The following NALF1 variants were observed in gnomAD, a reference collection of about 807,000 sequenced individuals.
The protein encoded by NALF1 is family with sequence similarity 155 member A.
NALF1 carries 3 observed loss-of-function variants against 48.4 expected under a neutral mutation model. The ratio of observed to expected loss-of-function variants is 0.06; its 90% CI spans 0.03 to 0.16. The LOEUF is 0.16. NALF1 is among the 10% of genes least tolerant of loss of function. The pLI is 1.00. For missense variants in NALF1, 526 were observed against 571.5 expected (o/e 0.92, Z 0.81); for synonymous variants, 262 against 245.7 (o/e 1.07, Z -0.62).
intron 1 of NALF1, among the ~76,000 whole-genome samples, chr13:107,413,805 G>C (rs547091816): frequency 1.1e-4 from 17 of 151,994 alleles, no homozygotes; most frequent in South Asian, 4.1e-4. Flanking sequence ...TTTATTTTTT[G>C]TGATGGAGTC....
At chr13:107,715,384 T>C (rs887691659) in intron 1 of NALF1, among the ~76,000 whole-genome samples, 10 of 152,114 alleles carry the variant, frequency 6.6e-5, no homozygotes, top group African/African-American at 2.4e-4. Flanking sequence ...GTATTTTTAG[T>C]AGAGACGGGG....
intron 1 of NALF1, among the ~76,000 whole-genome samples, chr13:107,477,021 T>G (rs528602105): frequency 6.6e-6 from 1 of 152,262 alleles, no homozygotes; most frequent in South Asian, 2.1e-4. Flanking sequence ...GCATTTGCAG[T>G]CAGGGAAACT....
intron 1 of NALF1, among the ~76,000 whole-genome samples, chr13:107,542,077 C>T (rs1174081036): frequency 6.6e-6 from 1 of 151,758 alleles, no homozygotes; most frequent in African/African-American, 2.4e-5. Flanking sequence ...TGAAAACCAC[C>T]CAAATGCCTA....
At chr13:107,378,958 A>G (rs1004172452) in intron 1 of NALF1, among the ~76,000 whole-genome samples, 1 of 152,246 alleles carries the variant, frequency 6.6e-6, no homozygotes, top group African/African-American at 2.4e-5. Flanking sequence ...TCAATAAAAC[A>G]TATAATTAAG....
intron 1 of NALF1, among the ~76,000 whole-genome samples, chr13:107,318,245 G>A (rs900992794): frequency 6.6e-6 from 1 of 151,936 alleles, no homozygotes; most frequent in Non-Finnish European, 1.5e-5. Context: ...ATATAACAAA[G>A]CTTTTTGAAA....
chr13:107,479,060 A>G (rs917596568), intron 1 of NALF1, among the ~76,000 whole-genome samples: 4 of 152,280 alleles, frequency 2.6e-5, no homozygotes, highest in African/African-American at 9.6e-5. Context: ...AAATGAATGC[A>G]GAGTGCCAAA....
At chr13:107,366,898 C>T (rs899914418) in intron 1 of NALF1, among the ~76,000 whole-genome samples, 2 of 152,136 alleles carry the variant, frequency 1.3e-5, no homozygotes, top group Admixed American at 6.5e-5. Flanking sequence ...TTTTAAGATC[C>T]GAACTGGGTA....
chr13:107,398,990 T>G (rs191905519), intron 1 of NALF1, among the ~76,000 whole-genome samples: 5 of 152,266 alleles, frequency 3.3e-5, no homozygotes, highest in Non-Finnish European at 7.4e-5. Context: ...AAATGTTCAT[T>G]CTCCGGCCTG....
intron 1 of NALF1, among the ~76,000 whole-genome samples, chr13:107,427,571 A>C (rs1884301831): frequency 6.6e-6 from 1 of 152,162 alleles, no homozygotes; most frequent in Admixed American, 6.5e-5. Flanking sequence ...CATGGGAAGA[A>C]AAAAAGAAAT....
intron 1 of NALF1, among the ~76,000 whole-genome samples, chr13:107,339,946 A>T (rs1410928696): frequency 2.0e-5 from 3 of 152,200 alleles, no homozygotes; most frequent in East Asian, 3.9e-4. Context: ...AATTTTATTT[A>T]AAAAATTTCC....
At chr13:107,224,895 A>T (rs1441171320) in intron 1 of NALF1, among the ~76,000 whole-genome samples, 2 of 152,244 alleles carry the variant, frequency 1.3e-5, no homozygotes, top group Non-Finnish European at 2.9e-5. Context: ...TTCCTCACTG[A>T]AAAACAACAA....
intron 1 of NALF1, among the ~76,000 whole-genome samples, chr13:107,786,416 CAAAAA>C (rs34857705): frequency 3.4e-5 from 1 of 29,714 alleles, no homozygotes; most frequent in Non-Finnish European, 5.9e-5. Context: ...AACTCTTTCT[CAAAAA>C]AAAAAAAAAA....
At chr13:107,613,473 A>G (rs1879295295) in intron 1 of NALF1, among the ~76,000 whole-genome samples, 1 of 152,186 alleles carries the variant, frequency 6.6e-6, no homozygotes, top group Non-Finnish European at 1.5e-5. Flanking sequence ...TCCAAAGTCA[A>G]TGGAATATAA....
At chr13:107,811,737 CCAGACATCTGGGGAGGGCCT>C in intron 1 of NALF1, among the ~76,000 whole-genome samples, 1 of 152,008 alleles carries the variant, frequency 6.6e-6, no homozygotes, top group South Asian at 2.1e-4. Flanking sequence ...AGAATATGGC[CCAGACATCTGGGGAGGGCCT>C]CATCTCATGG....
chr13:107,800,335 G>T (rs7338126), intron 1 of NALF1, among the ~76,000 whole-genome samples: 3 of 151,750 alleles, frequency 2.0e-5, no homozygotes, highest in Non-Finnish European at 4.4e-5. Context: ...TGATTTTATC[G>T]TATTTTTATT....
intron 1 of NALF1, among the ~76,000 whole-genome samples, chr13:107,797,538 T>C (rs1878466892): frequency 6.6e-6 from 1 of 152,146 alleles, no homozygotes; most frequent in Non-Finnish European, 1.5e-5. Flanking sequence ...CCAGTCTGTA[T>C]AAACATTTGC....
rs1037380153 is a variant in NALF1, at chr13:107,198,871, A to G, written c.1087+11713T>C. Among the ~76,000 whole-genome samples the G allele has an allele frequency of 7.9e-5, 12 of 152,288 alleles. No homozygotes were observed. In the East Asian group the frequency reaches 1.7e-3, roughly 22 times the overall value. On this transcript the variant is annotated intron_variant, in intron 2 of 2. Coordinates refer to ENST00000375915, the MANE Select transcript of NALF1 (RefSeq NM_001080396.3). ...CACATTGTTTTATCTCTATGTGTCTATATCCAAATTTCCCCTTTTTATACG... is the reference window on the plus strand; with the variant it reads ...CACATTGTTTTATCTCTATGTGTCTGTATCCAAATTTCCCCTTTTTATACG...
chr13:107,830,063 G>A (rs1298355417), intron 1 of NALF1, among the ~76,000 whole-genome samples: 2 of 152,028 alleles, frequency 1.3e-5, no homozygotes, highest in South Asian at 2.1e-4. Context: ...TATTACACCC[G>A]GAACCCTCAC....
intron 1 of NALF1, among the ~76,000 whole-genome samples, chr13:107,560,973 T>C (rs1594130065): frequency 1.3e-5 from 2 of 152,224 alleles, no homozygotes; most frequent in African/African-American, 4.8e-5. Flanking sequence ...AAAAACAATT[T>C]TTAAAACTAT....
Sources: gnomAD v4.1 joint callset for allele counts (sites outside exome capture counted in the v4.1 genomes callset) on GRCh38, gnomAD v4.1.1 for gene constraint, MANE v1.5 for transcripts, NCBI Gene and HGNC (gene_info 2026-07-23, HGNC 2026-07-21) for gene names.